IL17D: variants seen among roughly 807,000 people sequenced by gnomAD.
IL17D encodes the protein interleukin-17D.
Under a neutral mutation model 5.7 loss-of-function variants are expected in IL17D, and 10 were observed. The ratio of observed to expected loss-of-function variants is 1.75; its 90% confidence interval spans 1.08 to 2.97. The LOEUF is 2.97. IL17D is among the 30% of genes most tolerant of loss of function. The pLI is 0.00. For synonymous variants in IL17D, 172 were observed against 141.7 expected, an observed-to-expected ratio of 1.21 and a Z score of -1.52; for missense variants, 354 against 292.7, an observed-to-expected ratio of 1.21 and a Z score of -1.53.
chr13:20,716,832 A>G lies in IL17D; in HGVS notation c.291-4804A>G, dbSNP rs1010687422. Among the ~76,000 whole-genome samples, 24 of 152,284 alleles carry G rather than the reference A, an allele frequency of 1.6e-4. No homozygotes were observed. The highest frequency in any genetic ancestry group is 5.1e-4 in the African/African-American group (21 of 41,562). On this transcript the variant is annotated intron_variant, in intron 1 of 1. Transcript: ENST00000682841. The surrounding 1 kb of genome is among the most constrained non-coding windows in gnomAD (Gnocchi z 4.2). Reference sequence around the variant, plus strand: ...GGGTCTTTCAACTGCTGTGAGATAAACAGTCATCCTGAGCCCCTGCTGCTC... The same window carrying G: ...GGGTCTTTCAACTGCTGTGAGATAAGCAGTCATCCTGAGCCCCTGCTGCTC...
At chr13:20,717,433 C>T (rs2058685952) in intron 1 of IL17D, 1 of 152,256 alleles carries the variant, frequency 6.6e-6, no homozygotes, top group Non-Finnish European at 1.5e-5. Flanking sequence ...TTTCCTTAAC[C>T]GAAAAGCACA....
intron 1 of IL17D, among the ~76,000 whole-genome samples, chr13:20,710,332 G>A (rs2058624513): frequency 6.6e-6 from 1 of 151,602 alleles, no homozygotes; most frequent in African/African-American, 2.4e-5. Context: ...CCCAAAGACA[G>A]GCTGGGCGCA....
Position 20,704,266 on chromosome 13 carries a change from CGCA to C in IL17D, c.268_270del (p.Ser90del). 7.9e-7 allele frequency: 1 copy of C among 1,272,686 alleles called. No homozygotes were observed. The highest frequency in any genetic ancestry group is 4.1e-5 in the Admixed American group (1 of 24,152). The allele number at this position is 1,272,686 out of a possible 1,614,324, so 78.8% of individuals were successfully genotyped here. On this transcript the variant is annotated inframe_deletion, in exon 1 of 2. Transcript: ENST00000682841. The stretch of plus-strand genomic sequence containing the variant: ...CCGCTTCCGGCCGCCCACCAACCTG[CGCA>C]GCGTGTCGCCCTGGGCCTACAGGTG...
At chr13:20,703,240 T>C, upstream of IL17D, 1 of 984,746 alleles carries the variant, frequency 1.0e-6, no homozygotes, top group Non-Finnish European at 1.2e-6. Flanking sequence ...CTTCGGGTTA[T>C]TCCGCTCAAG....
intron 1 of IL17D, chr13:20,712,749 T>A (rs2493646): frequency 6.6e-6 from 1 of 151,788 alleles, no homozygotes; most frequent in Admixed American, 6.6e-5. Flanking sequence ...GAGCACCGGC[T>A]GGCGAAGGTG....
At chr13:20,705,788 C>A (rs1459396132) in intron 1 of IL17D, among the ~76,000 whole-genome samples, 1 of 152,186 alleles carries the variant, frequency 6.6e-6, no homozygotes, top group African/African-American at 2.4e-5. Flanking sequence ...CCCAATGGGG[C>A]ATGGATTGGA....
chr13:20,708,960 C>CAAAAA (rs59047970), intron 1 of IL17D, among the ~76,000 whole-genome samples: 24 of 65,136 alleles, frequency 3.7e-4, no homozygotes, highest in South Asian at 1.7e-3. Flanking sequence ...GACTCTGTCT[C>CAAAAA]AAAAAAAAAA....
intron 1 of IL17D, among the ~76,000 whole-genome samples, chr13:20,719,109 T>TCA: frequency 7.7e-6 from 1 of 130,192 alleles, no homozygotes; most frequent in South Asian, 2.6e-4. Context: ...CTGCCCATGC[T>TCA]CGCACACCTG....
rs1487473209 is a variant in IL17D, at chr13:20,703,967, G to A, written c.-35G>A. 7.5e-5 allele frequency: 75 copies of A among 1,000,712 alleles called. No homozygotes were observed. Among genetic ancestry groups the A allele is most frequent in the Non-Finnish European group, 8.0e-5 (67 of 841,310 alleles). The allele number at this position is 1,000,712 out of a possible 1,614,324, so 62.0% of individuals were successfully genotyped here. On this transcript the variant is annotated 5_prime_UTR_variant, in exon 1 of 2. Transcript: ENST00000682841. The stretch of plus-strand genomic sequence containing the variant: ...GCGCAGGCGGGCTCCTCCGGCGCGT[G>A]CGGACGCTGAGCGTGGCCTGTCCCT...
chr13:20,715,961 C>G (rs990699543), intron 1 of IL17D: 2 of 190,458 alleles, frequency 1.1e-5, no homozygotes, highest in Non-Finnish European at 1.9e-5. Flanking sequence ...GTTGCCCAGG[C>G]TGGTCTCAAA....
At chr13:20,709,273 G>A (rs553007721) in intron 1 of IL17D, among the ~76,000 whole-genome samples, 1 of 151,548 alleles carries the variant, frequency 6.6e-6, no homozygotes, top group Non-Finnish European at 1.5e-5. Flanking sequence ...TAAATATCAA[G>A]ATTTTAAATT....
chr13:20,720,306 T>C (rs2141400005), intron 1 of IL17D, among the ~76,000 whole-genome samples: 1 of 152,288 alleles, frequency 6.6e-6, no homozygotes. Context: ...AAGAGCTCCC[T>C]CTGCGGCTCC....
At chr13:20,703,249 A>G, upstream of IL17D, 3 of 985,708 alleles carry the variant, frequency 3.0e-6, no homozygotes, top group Non-Finnish European at 3.6e-6. Context: ...ATTCCGCTCA[A>G]GAGCCGCCGC....
chr13:20,718,721 T>C (rs1284559951), intron 1 of IL17D, among the ~76,000 whole-genome samples: 38 of 41,250 alleles, frequency 9.2e-4, no homozygotes, highest in Non-Finnish European at 1.4e-3. Flanking sequence ...CCTGCCCACT[T>C]ACACACATGG....
Position 20,703,890 on chromosome 13 carries a change from G to C in IL17D, c.-112G>C. 6.7e-6 allele frequency: 3 copies of C among 446,496 alleles called. No individual in the cohort carries two copies. The highest frequency in any genetic ancestry group is 8.8e-6 in the Non-Finnish European group (3 of 339,876). 27.7% of individuals were successfully genotyped at this position (446,496 alleles called of 1,614,324 possible). ...GGGCCGGCCTCTGGCTCCGCGGGGCGAGGGGAGGCGCCCGCCGGCTCCGGG... is the reference window on the plus strand; with the variant it reads ...GGGCCGGCCTCTGGCTCCGCGGGGCCAGGGGAGGCGCCCGCCGGCTCCGGG... On this transcript the variant is annotated 5_prime_UTR_variant, in exon 1 of 2. Transcript: ENST00000682841.
At chr13:20,720,229 C>T (rs1447902472) in intron 1 of IL17D, among the ~76,000 whole-genome samples, 1 of 152,138 alleles carries the variant, frequency 6.6e-6, no homozygotes, top group African/African-American at 2.4e-5. Context: ...CTCCATGTGC[C>T]CCCGGAGACT....
At chr13:20,710,340 G>A (rs2058624627) in intron 1 of IL17D, among the ~76,000 whole-genome samples, 1 of 151,418 alleles carries the variant, frequency 6.6e-6, no homozygotes, top group African/African-American at 2.4e-5. Flanking sequence ...CAGGCTGGGC[G>A]CAGTGGCTCA....
intron 1 of IL17D, among the ~76,000 whole-genome samples, chr13:20,707,117 C>T (rs1247724417): frequency 6.6e-6 from 1 of 152,126 alleles, no homozygotes; most frequent in Non-Finnish European, 1.5e-5. Context: ...CCTCTCTGCC[C>T]TCCTCCCTCC....
upstream of IL17D, chr13:20,703,538 G>A (rs2058560846): frequency 7.3e-6 from 4 of 549,514 alleles, no homozygotes; most frequent in Non-Finnish European, 9.3e-6. Context: ...AGGCGCAGGG[G>A]CAAGGGTGGG....
Sources: gnomAD v4.1 joint callset for allele counts (sites outside exome capture counted in the v4.1 genomes callset) on GRCh38, gnomAD v4.1.1 for gene constraint, Gnocchi (gnomAD v3.1) non-coding constraint, MANE v1.5 for transcripts, NCBI Gene and HGNC (gene_info 2026-07-23, HGNC 2026-07-21) for gene names.